CEP192: variants seen among roughly 807,000 people sequenced by gnomAD.
The protein encoded by CEP192 is centrosomal protein 192, also known as centrosomal protein of 192 kDa.
A neutral mutation model predicts 271.8 loss-of-function variants in CEP192; 151 were observed. That is an observed-to-expected ratio of 0.56 (90% CI 0.49 to 0.64). CEP192 has a LOEUF of 0.64. Ranked by LOEUF, CEP192 falls within the 30% of genes least tolerant of loss-of-function variation. The probability of loss-of-function intolerance (pLI) is 0.00; values close to 1 mark genes in which losing one functional copy is unlikely to be tolerated. For missense variants in CEP192, 2,910 were observed against 3,020.5 expected, an observed-to-expected ratio of 0.96 and a Z score of 0.86; for synonymous variants, 995 against 1,076.5, an observed-to-expected ratio of 0.92 and a Z score of 1.48.
rs2039362245 is a variant in CEP192 at position 13,095,680 on chromosome 18, T to C, written c.6432T>C (p.Pro2144=). The C allele has an allele frequency of 6.2e-7, 1 of 1,611,876 alleles. No homozygotes were observed. Among genetic ancestry groups the C allele is most frequent in the African/African-American group, 1.3e-5 (1 of 74,770 alleles). The change falls in exon 35 of 45, where the codon CCT becomes CCC. Residue 2144 remains proline (P), a splice_region_variant and synonymous_variant. Transcript: ENST00000506447. ...ACTTGATTCTGGTAGCTCCTTCTCC[T>C]TGTGAGTATGTCAACTGTGACACCT... is the stretch of plus-strand genomic sequence containing the variant. ...PEHLILVAPS[P]CDMAKTGRFQ...
At chr18:13,041,246 A>G (rs1568322283) in intron 14 of CEP192, among the ~76,000 whole-genome samples, 1 of 152,210 alleles carries the variant, frequency 6.6e-6, no homozygotes, top group African/African-American at 2.4e-5. Flanking sequence ...AATTAATCGT[A>G]GATATAATTT....
chr18:13,028,677 G>T (rs2035445346), intron 9 of CEP192, among the ~76,000 whole-genome samples: 1 of 152,078 alleles, frequency 6.6e-6, no homozygotes, highest in East Asian at 1.9e-4. Context: ...CCGCCACCAC[G>T]CCCGGCTAAT....
rs1270824869 is a variant in CEP192, at chr18:13,049,547, G to T, written c.2756G>T (p.Cys919Phe). The change falls in exon 16 of 45, where the codon TGT becomes TTT. Residue 919 changes from cysteine to phenylalanine, a missense_variant. By Grantham distance (205) the Cys-to-Phe change is radical. Transcript: ENST00000506447. The stretch of plus-strand genomic sequence containing the variant: ...AGGAACCCCAGAATAACATCCCTTT[G>T]TCTGTTAAAAGACTGTGAAGAAATA... ...SVRNPRITSL[C>F]LLKDCEEIRD... The T allele has an allele frequency of 4.3e-6, 7 of 1,613,930 alleles. No individual in the cohort carries two copies. The East Asian group carries it at 1.3e-4, about 31-fold the overall frequency.
chr18:13,092,163 G>A (rs1568403736), intron 33 of CEP192, among the ~76,000 whole-genome samples: 1 of 152,184 alleles, frequency 6.6e-6, no homozygotes, highest in African/African-American at 2.4e-5. Context: ...GAGTGGCAAA[G>A]GTAGTTCAAA....
chr18:12,992,013 A>C (rs899861526), intron 1 of CEP192, among the ~76,000 whole-genome samples: 1 of 152,292 alleles, frequency 6.6e-6, no homozygotes, highest in African/African-American at 2.4e-5. Flanking sequence ...TTCCTTGCCT[A>C]TGATTTCATT....
chr18:13,044,392 A>G (rs1369277887), intron 15 of CEP192, among the ~76,000 whole-genome samples: 2 of 151,848 alleles, frequency 1.3e-5, no homozygotes, highest in African/African-American at 2.4e-5. Flanking sequence ...TTGGTATTTC[A>G]TCTTTCAATT....
At chr18:13,013,201 AGGGGTAGTGCTGGTGC>A (rs1048966961) in intron 5 of CEP192, among the ~76,000 whole-genome samples, 176 bp downstream of exon 5, 1 of 151,600 alleles carries the variant, frequency 6.6e-6, no homozygotes, top group African/African-American at 2.4e-5. Context: ...GAGAAGGTTC[AGGGGTAGTGCTGGTGC>A]CTGGGACTGT....
intron 8 of CEP192, 141 bp downstream of exon 8, chr18:13,018,756 T>C: frequency 1.7e-6 from 1 of 592,262 alleles, no homozygotes; most frequent in Non-Finnish European, 2.7e-6. Flanking sequence ...CTAAAACTTT[T>C]CAAAAGAGCT....
At chr18:13,019,891 C>A (rs1471794857) in intron 9 of CEP192, among the ~76,000 whole-genome samples, 1 of 151,780 alleles carries the variant, frequency 6.6e-6, no homozygotes, top group Admixed American at 6.6e-5. Context: ...CAGCTCACTG[C>A]AACTTCTGCC....
intron 14 of CEP192, among the ~76,000 whole-genome samples, chr18:13,041,437 A>G (rs1276919322): frequency 4.6e-5 from 7 of 152,176 alleles, no homozygotes; most frequent in Non-Finnish European, 7.4e-5. Flanking sequence ...TGTATAAGAT[A>G]TGCTGCATTC....
rs749352068 is a variant in CEP192, at chr18:13,037,265, TGAA to T, written c.1570_1572del (p.Glu524del). The stretch of plus-strand genomic sequence containing the variant: ...AAGCATTTGATTTGATTGCACAAGA[TGAA>T]GAAGAATTTAATAAAGAGCATCAAT... On this transcript the variant is annotated inframe_deletion, in exon 12 of 45. Transcript: ENST00000506447. The T allele has an allele frequency of 2.7e-4, 369 of 1,353,086 alleles. No homozygotes were observed. Among genetic ancestry groups the T allele is most frequent in the Non-Finnish European group, 3.7e-4 (355 of 969,676 alleles). The allele number at this position is 1,353,086 out of a possible 1,614,324, so 83.8% of individuals were successfully genotyped here. A position where few individuals can be genotyped will look rare whatever the true frequency, so the allele number is the denominator to read the frequency against.
At chr18:13,003,933 A>G (rs2033818691) in intron 3 of CEP192, among the ~76,000 whole-genome samples, 1 of 152,186 alleles carries the variant, frequency 6.6e-6, no homozygotes, top group African/African-American at 2.4e-5. Context: ...GATGCTTCAC[A>G]GTGAGAAGCT....
intron 30 of CEP192, among the ~76,000 whole-genome samples, chr18:13,081,079 A>G (rs970032009): frequency 2.0e-5 from 3 of 152,088 alleles, no homozygotes; most frequent in Non-Finnish European, 1.5e-5. Flanking sequence ...TGTTCATCAG[A>G]GATATTGGAT....
chr18:12,997,877 A>G (rs1348708344), intron 1 of CEP192, among the ~76,000 whole-genome samples: 1 of 152,034 alleles, frequency 6.6e-6, no homozygotes, highest in Non-Finnish European at 1.5e-5. Flanking sequence ...GGTGCCCGCC[A>G]TGACGCCCAG....
Position 13,001,477 on chromosome 18 carries a change from C to A in CEP192, c.185C>A (p.Ser62Tyr). Reference sequence around the variant, plus strand: ...TATAGGTATCCTGATATCCAGGCATCTTACTTAGTAGAAGGGAGATTTTCA... The same window carrying A: ...TATAGGTATCCTGATATCCAGGCATATTACTTAGTAGAAGGGAGATTTTCA... ...TDNRYPDIQA[S>Y]YLVEGRFSVP... Residue 62 changes from serine to tyrosine, a missense_variant, in exon 3 of 45, where the codon TCT becomes TAT. Ser to Tyr is a moderately radical substitution (Grantham distance 144). Transcript: ENST00000506447. The A allele has an allele frequency of 6.5e-7, 1 of 1,546,798 alleles. No homozygotes were observed. Among genetic ancestry groups the A allele is most frequent in the Non-Finnish European group, 8.7e-7 (1 of 1,143,972 alleles).
In CEP192 at chr18:13,124,683, C is replaced by T. The variant is rs771631527; in HGVS notation, c.7527C>T (p.Gly2509=). The T allele has an allele frequency of 6.2e-7, 1 of 1,613,948 alleles. No homozygotes were observed. The change falls in exon 45 of 45, where the codon GGC becomes GGT. Residue 2509 remains glycine (G), a synonymous_variant. Coordinates refer to ENST00000506447, the MANE Select transcript of CEP192 (RefSeq NM_032142.4). The stretch of plus-strand genomic sequence containing the variant: ...TGCAGTTCAAACCGAAGTCCGCAGG[C>T]AAATTTGAAGCTTTGCTTGTCATTC... ...MPVQFKPKSA[G]KFEALLVIQT... is the part of the protein sequence containing the mutation.
chr18:13,066,998 T>TGTGC (rs756403300), intron 21 of CEP192, among the ~76,000 whole-genome samples: 115 of 150,920 alleles, frequency 7.6e-4, no homozygotes, highest in African/African-American at 2.4e-3. Flanking sequence ...TGTGTGTGTG[T>TGTGC]GCCTGTATAA....
rs1568368373 is a variant in CEP192, at chr18:13,068,884, A to G, written c.4855A>G (p.Lys1619Glu). The G allele has an allele frequency of 1.2e-6, 2 of 1,614,208 alleles. No individual in the cohort carries two copies. Among genetic ancestry groups the G allele is most frequent in the African/African-American group, 1.3e-5 (1 of 75,044 alleles). ...ILDSAEEFSA[K>E]VDIEVDSPNP... Reference sequence around the variant, plus strand: ...GGACTCAGCAGAAGAATTCTCGGCAAAAGTTGATATCGAAGTTGACAGCCC... The same window carrying G: ...GGACTCAGCAGAAGAATTCTCGGCAGAAGTTGATATCGAAGTTGACAGCCC... Residue 1619 changes from lysine (K) to glutamate (E), a missense_variant, in exon 25 of 45, where the codon AAA (lysine) becomes GAA (glutamate). Transcript: ENST00000506447.
At position 13,049,460 on chromosome 18, in the gene CEP192, A is replaced by G; in HGVS notation, c.2669A>G (p.Asp890Gly). ...TGTTCCATTGACAACAAATTACAAGATGTTGGTAACGATGAAAAAGCTACC... is the reference window on the plus strand; with the variant it reads ...TGTTCCATTGACAACAAATTACAAGGTGTTGGTAACGATGAAAAAGCTACC... ...KTCSIDNKLQ[D>G]VGNDEKATSI... The change falls in exon 16 of 45, where the codon GAT becomes GGT. Residue 890 changes from aspartate to glycine, a missense_variant. Asp to Gly is a moderately conservative substitution (Grantham distance 94, BLOSUM62 -1). Transcript: ENST00000506447. The G allele has an allele frequency of 6.2e-7, 1 of 1,614,154 alleles. No individual in the cohort carries two copies. The highest frequency in any genetic ancestry group is 8.5e-7 in the Non-Finnish European group (1 of 1,180,004).
Sources: allele counts gnomAD v4.1 joint callset (sites outside exome capture counted in the v4.1 genomes callset), GRCh38; gene constraint gnomAD v4.1.1; transcripts MANE v1.5; gene names NCBI Gene and HGNC (gene_info 2026-07-23, HGNC 2026-07-21).